Variants in PLEKHD1 observed in about 807,000 individuals in gnomAD.
The protein encoded by PLEKHD1 is pleckstrin homology and coiled-coil domain containing D1.
PLEKHD1 carries 51 observed loss-of-function variants against 69.2 expected under a neutral mutation model. That is an observed-to-expected ratio of 0.74 (90% CI 0.59 to 0.93). PLEKHD1 has a LOEUF of 0.93. Ranked by LOEUF, PLEKHD1 falls within the 40% of genes least tolerant of loss-of-function variation. The pLI, the probability that PLEKHD1 is intolerant of heterozygous loss-of-function variation, is 0.00. For synonymous variants in PLEKHD1, 236 were observed against 244.7 expected (o/e 0.96, Z 0.33); for missense variants, 584 against 641.0 (o/e 0.91, Z 0.96).
intron 11 of PLEKHD1, 76 bp from the exon 12 acceptor site, chr14:69,527,707 A>T: frequency 1.3e-6 from 2 of 1,501,768 alleles, no homozygotes. Flanking sequence ...TCTCACCAGG[A>T]TCCTTGGGAA....
the PLEKHD1 span, among the ~76,000 whole-genome samples, chr14:69,476,515 G>A: frequency 6.6e-6 from 1 of 152,004 alleles, no homozygotes; most frequent in Non-Finnish European, 1.5e-5. Flanking sequence ...AGTGAACTAT[G>A]ATGGCATCAC....
At chr14:69,479,434 TG>T in the PLEKHD1 span, among the ~76,000 whole-genome samples, 1 of 151,904 alleles carries the variant, frequency 6.6e-6, no homozygotes, top group Non-Finnish European at 1.5e-5. Context: ...CGCATGATGG[TG>T]GGGAGCTGGA....
At chr14:69,479,410 C>T in the PLEKHD1 span, among the ~76,000 whole-genome samples, 3 of 152,254 alleles carry the variant, frequency 2.0e-5, no homozygotes, top group East Asian at 5.8e-4. Flanking sequence ...CAGCTTGGGG[C>T]CTTGAAAAGA....
chr14:69,514,585 G>T (rs972085398), intron 6 of PLEKHD1, among the ~76,000 whole-genome samples: 3 of 152,026 alleles, frequency 2.0e-5, no homozygotes, highest in Non-Finnish European at 2.9e-5. Flanking sequence ...TCTGATGCTT[G>T]CTCTATCTCT....
At chr14:69,472,750 G>A in the PLEKHD1 span, among the ~76,000 whole-genome samples, 2 of 152,216 alleles carry the variant, frequency 1.3e-5, no homozygotes, top group African/African-American at 4.8e-5. Flanking sequence ...GGTAGGCTAT[G>A]CCATCTAGGT....
At chr14:69,524,387 G>T in intron 8 of PLEKHD1, 65 bp downstream of exon 8, 2 of 1,361,996 alleles carry the variant, frequency 1.5e-6, no homozygotes, top group Admixed American at 2.0e-5. Context: ...ACATGACACT[G>T]TTTTTTCCAG....
Position 69,492,068 on chromosome 14 carries a change from G to A in PLEKHD1, c.149+6954G>A, listed in dbSNP as rs192799172. Among the ~76,000 whole-genome samples, 187 of 152,222 alleles carry A rather than the reference G, an allele frequency of 1.2e-3. 2 individuals are homozygous for A. Among genetic ancestry groups the A allele is most frequent in the Admixed American group, 0.011 (165 of 15,278 alleles). On this transcript the variant is annotated intron_variant, in intron 1 of 12. Coordinates refer to ENST00000322564, the MANE Select transcript of PLEKHD1 (RefSeq NM_001161498.2). ...CCTTGTCTGCAGGAAGAAGTCCAGC[G>A]TCTTCACAAGGACTACTCACTCTGC...
At chr14:69,477,029 G>T in the PLEKHD1 span, among the ~76,000 whole-genome samples, 1 of 149,444 alleles carries the variant, frequency 6.7e-6, no homozygotes, top group Non-Finnish European at 1.5e-5. Context: ...TTTATTTAGA[G>T]ACAATGTCTC....
intron 5 of PLEKHD1, chr14:69,502,603 C>A: frequency 1.8e-6 from 1 of 566,858 alleles, no homozygotes; most frequent in South Asian, 2.0e-5. Flanking sequence ...AGGATGAGGC[C>A]CCTCATAACC....
intron 4 of PLEKHD1, chr14:69,501,359 C>T: frequency 3.1e-6 from 1 of 323,058 alleles, no homozygotes; most frequent in South Asian, 4.3e-5. Flanking sequence ...CCTGCCTAGT[C>T]AGGCTAGGTC....
rs907323422 is a variant in PLEKHD1 at position 69,485,113 on chromosome 14, C to G, written c.148C>G (p.Arg50Gly). The G allele has an allele frequency of 6.5e-7, 1 of 1,549,272 alleles. No homozygotes were observed. Among genetic ancestry groups the G allele is most frequent in the South Asian group, 1.2e-5 (1 of 83,958 alleles). The change falls in exon 1 of 13, where the codon CGG (arginine) becomes GGG (glycine). Residue 50 changes from arginine to glycine, a missense_variant and splice_region_variant. Coordinates refer to ENST00000322564, the MANE Select transcript of PLEKHD1 (RefSeq NM_001161498.2). Reference protein sequence around the residue: ...FGRPSAKWSRRFFIIKESFLL... With the variant: ...FGRPSAKWSRGFFIIKESFLL... The stretch of plus-strand genomic sequence containing the variant: ...CAGGCCGTCGGCCAAGTGGTCCCGG[C>G]GGTGAGTGCGCCCCCGCGCCCCAAG...
Position 69,484,895 on chromosome 14 carries a change from C to T in PLEKHD1, c.-71C>T. 1.3e-6 allele frequency: 2 copies of T among 1,511,054 alleles called. No homozygotes were observed. The highest frequency in any genetic ancestry group is 1.8e-6 in the Non-Finnish European group (2 of 1,121,400). The allele number at this position is 1,511,054 out of a possible 1,614,324, so 93.6% of individuals were successfully genotyped here. A position where few individuals can be genotyped will look rare whatever the true frequency, so the allele number is the denominator to read the frequency against. On this transcript the variant is annotated 5_prime_UTR_variant, in exon 1 of 13. Transcript: ENST00000322564. ...ACGCTCTCCGACGGCTCCGCCCTCG[C>T]CTCTCGCCCCGAGTCCCTGCTGACC...
intron 8 of PLEKHD1, among the ~76,000 whole-genome samples, chr14:69,524,628 T>A (rs1306330547): frequency 1.3e-5 from 2 of 152,168 alleles, no homozygotes; most frequent in Non-Finnish European, 2.9e-5. Context: ...AGAGGATTGG[T>A]TAAGGTGGGC....
At chr14:69,512,351 G>C (rs1298002643) in intron 6 of PLEKHD1, among the ~76,000 whole-genome samples, 1 of 151,746 alleles carries the variant, frequency 6.6e-6, no homozygotes, top group Non-Finnish European at 1.5e-5. Context: ...TTTTGATTTT[G>C]TTGATTTTCT....
Position 69,515,813 on chromosome 14 carries a change from C to T in PLEKHD1, c.556-6470C>T, listed in dbSNP as rs181846778. Among the ~76,000 whole-genome samples the T allele has an allele frequency of 4.3e-3, 659 of 152,288 alleles. 16 individuals are homozygous for T. Among genetic ancestry groups the T allele is most frequent in the Admixed American group, 0.039 (591 of 15,288 alleles). The stretch of plus-strand genomic sequence containing the variant: ...AAGCTATTTATGAAGGATCTGCCCC[C>T]GTAATCTAACTACCTTCCACCAAGC... On this transcript the variant is annotated intron_variant, in intron 6 of 12. Transcript: ENST00000322564.
intron 6 of PLEKHD1, among the ~76,000 whole-genome samples, chr14:69,511,197 G>T (rs1883263823): frequency 1.3e-5 from 2 of 152,154 alleles, no homozygotes; most frequent in Admixed American, 6.5e-5. Flanking sequence ...CAGTCTTGTT[G>T]TCCAGGCTAG....
chr14:69,490,654 A>G (rs549944888), intron 1 of PLEKHD1, among the ~76,000 whole-genome samples: 1 of 152,338 alleles, frequency 6.6e-6, no homozygotes, highest in Admixed American at 6.5e-5. Context: ...TTTCACAGAT[A>G]GAATTCCTGC....
At chr14:69,496,015 C>A (rs1404434718) in intron 1 of PLEKHD1, among the ~76,000 whole-genome samples, 1 of 152,242 alleles carries the variant, frequency 6.6e-6, no homozygotes, top group Non-Finnish European at 1.5e-5. Flanking sequence ...CAGTGCTTGG[C>A]ACACAGTGGC....
chr14:69,500,323 A>T, intron 2 of PLEKHD1, 115 bp downstream of exon 2: 2 of 938,376 alleles, frequency 2.1e-6, no homozygotes, highest in Non-Finnish European at 3.2e-6. Context: ...GAGAGTCTGG[A>T]GAGCAAATCC....
Sources: allele counts gnomAD v4.1 joint callset (sites outside exome capture counted in the v4.1 genomes callset), GRCh38; gene constraint gnomAD v4.1.1; transcripts MANE v1.5; gene names NCBI Gene and HGNC (gene_info 2026-07-23, HGNC 2026-07-21).